MYCBP2: variants seen among roughly 807,000 people sequenced by gnomAD.
The protein encoded by MYCBP2 is E3 ubiquitin-protein ligase MYCBP2.
MYCBP2 carries 120 observed loss-of-function variants against 525.3 expected under a neutral mutation model. That is an observed-to-expected ratio of 0.23 (90% CI 0.20 to 0.27). MYCBP2 has a LOEUF of 0.27. Among genes scored for constraint, MYCBP2 ranks in the 10% least tolerant of loss-of-function variants. MYCBP2 has a pLI of 1.00. For missense variants in MYCBP2, 4,149 were observed against 5,657.1 expected (o/e 0.73, Z 8.55); for synonymous variants, 1,894 against 1,955.8 (o/e 0.97, Z 0.83).
intron 55 of MYCBP2, among the ~76,000 whole-genome samples, chr13:77,119,849 C>T (rs1176205644): frequency 6.6e-6 from 1 of 152,152 alleles, no homozygotes; most frequent in Non-Finnish European, 1.5e-5. Context: ...CTCAGCTTCC[C>T]AGGTAGCTGG....
At position 77,198,457 on chromosome 13, in the gene MYCBP2, G is replaced by C. The variant is rs201990039; in HGVS notation, c.3844-4213C>G. On this transcript the variant is annotated intron_variant, in intron 26 of 82. Transcript: ENST00000544440. ...TGATATCATTTTTAGATATTATTGA[G>C]AGAACTAAGAAAATACCTCCTGAAC... Among the ~76,000 whole-genome samples the C allele has an allele frequency of 2.4e-4, 36 of 152,302 alleles. 1 individual carries two copies. The East Asian group carries it at 6.7e-3, about 29-fold the overall frequency.
At chr13:77,206,063 C>T (rs1205742029) in intron 24 of MYCBP2, among the ~76,000 whole-genome samples, 1 of 152,078 alleles carries the variant, frequency 6.6e-6, no homozygotes, top group Non-Finnish European at 1.5e-5. Flanking sequence ...TATGATTTCA[C>T]ACCTGCAAGT....
rs1161569192 is a variant in MYCBP2 at position 77,096,604 on chromosome 13, T to C, written c.9785-123A>G. ...AGAAAGCAAAATACTGAAGTAGATA[T>C]CTTATTTTTCAGGCTATTAACTATA... On this transcript the variant is annotated intron_variant, in intron 56 of 82. Transcript: ENST00000544440. The C allele has an allele frequency of 3.9e-6, 4 of 1,027,606 alleles. No homozygotes were observed. In the East Asian group the frequency reaches 1.1e-4, roughly 27 times the overall value. 63.7% of individuals were successfully genotyped at this position (1,027,606 alleles called of 1,614,324 possible).
At chr13:77,209,723 G>A (rs2063752351) in intron 23 of MYCBP2, among the ~76,000 whole-genome samples, 1 of 152,118 alleles carries the variant, frequency 6.6e-6, no homozygotes, top group African/African-American at 2.4e-5. Flanking sequence ...GATTTGAGAT[G>A]TACTCAACTC....
chr13:77,053,394 T>C (rs2037235921), intron 80 of MYCBP2, among the ~76,000 whole-genome samples: 1 of 152,204 alleles, frequency 6.6e-6, no homozygotes, highest in Non-Finnish European at 1.5e-5. Flanking sequence ...CAAAAAGCTA[T>C]GTCCGGATTG....
At chr13:77,108,705 A>T (rs969916127) in intron 55 of MYCBP2, among the ~76,000 whole-genome samples, 13 of 142,540 alleles carry the variant, frequency 9.1e-5, no homozygotes, top group Admixed American at 1.4e-4. Flanking sequence ...AAGATACTTT[A>T]TTTTTTTTTT....
Position 77,278,799 on chromosome 13 carries a change from T to G in MYCBP2, c.707A>C (p.Gln236Pro). 1 of 1,586,474 alleles carries G rather than the reference T, an allele frequency of 6.3e-7. No homozygotes were observed. Among genetic ancestry groups the G allele is most frequent in the Non-Finnish European group, 8.6e-7 (1 of 1,167,996 alleles). Residue 236 changes from glutamine (Q) to proline (P), a missense_variant, in exon 4 of 83, where the codon CAG (glutamine) becomes CCG (proline). By Grantham distance (76) the Gln-to-Pro change is moderately conservative. Around this residue, in one of 21 missense-constraint regions of MYCBP2, gnomAD observed 413 missense variants for 451.2 expected, o/e 0.92. Coordinates refer to ENST00000544440, the MANE Select transcript of MYCBP2 (RefSeq NM_015057.5). ...LQALLNVLQG[Q>P]QPEGLQSEPP... is the part of the protein sequence containing the mutation. ...CTCAGACTGGAGGCCTTCTGGCTGCTGGCCCTGCAGCACGTTGAGCAGGGC... is the reference window on the plus strand; with the variant it reads ...CTCAGACTGGAGGCCTTCTGGCTGCGGGCCCTGCAGCACGTTGAGCAGGGC...
At chr13:77,178,172 C>T (rs766864261) in intron 34 of MYCBP2, among the ~76,000 whole-genome samples, 21 of 152,186 alleles carry the variant, frequency 1.4e-4, no homozygotes, top group Admixed American at 7.9e-4. Context: ...CTTCCTTTAG[C>T]CATATGAAAC....
intron 18 of MYCBP2, among the ~76,000 whole-genome samples, chr13:77,228,505 T>TG (rs2066640478): frequency 7.5e-6 from 1 of 134,166 alleles, no homozygotes. Flanking sequence ...AGACCCTGTC[T>TG]CAAAAAAAAA....
At chr13:77,315,894 C>CA (rs34819956) in intron 1 of MYCBP2, among the ~76,000 whole-genome samples, 2,150 of 94,030 alleles carry the variant, frequency 0.023, 33 homozygotes, top group African/African-American at 0.047. Flanking sequence ...GGCTCTGTCT[C>CA]AAAAAAAAAA....
intron 26 of MYCBP2, among the ~76,000 whole-genome samples, chr13:77,201,913 T>C (rs1487905982): frequency 2.0e-5 from 3 of 152,132 alleles, no homozygotes; most frequent in Non-Finnish European, 2.9e-5. Context: ...GGGAAATTTA[T>C]AGCACTAAAT....
Position 77,294,127 on chromosome 13 carries a change from T to TATATATATATAC in MYCBP2, c.378+2471_378+2472insGTATATATATAT, listed in dbSNP as rs1350132831. Among the ~76,000 whole-genome samples the TATATATATATAC allele has an allele frequency of 1.2e-3, 74 of 60,850 alleles. 2 individuals are homozygous for TATATATATATAC. Among genetic ancestry groups the TATATATATATAC allele is most frequent in the Non-Finnish European group, 2.1e-3 (54 of 25,928 alleles). 39.9% of individuals were successfully genotyped at this position (60,850 alleles called of 152,430 possible). A position where few individuals can be genotyped will look rare whatever the true frequency, so the allele number is the denominator to read the frequency against. On this transcript the variant is annotated intron_variant, in intron 2 of 82. Transcript: ENST00000544440. ...GGCTATATATATATATATATATATA[T>TATATATATATAC]ATACATATATATATACATATATATA... is the stretch of plus-strand genomic sequence containing the variant.
chr13:77,305,580 C>A (rs1358030231), intron 1 of MYCBP2, among the ~76,000 whole-genome samples: 1 of 151,854 alleles, frequency 6.6e-6, no homozygotes, highest in Non-Finnish European at 1.5e-5. Context: ...TATGGAGAGA[C>A]AAAAATGTTT....
Position 77,098,406 on chromosome 13 carries a change from A to G in MYCBP2, c.8748T>C (p.Asn2916=), listed in dbSNP as rs1289686882. The change falls in exon 56 of 83, where the codon AAT becomes AAC. Residue 2916 remains asparagine (N), a synonymous_variant. Coordinates refer to ENST00000544440, the MANE Select transcript of MYCBP2 (RefSeq NM_015057.5). ...KDSTDSPGSE[N]RAPSPHVVQE... Reference sequence around the variant, plus strand: ...GTACCACATGGGGAGAGGGAGCTCTATTTTCAGATCCAGGGGAATCTGTAG... The same window carrying G: ...GTACCACATGGGGAGAGGGAGCTCTGTTTTCAGATCCAGGGGAATCTGTAG... 5 of 1,613,460 alleles carry G rather than the reference A, an allele frequency of 3.1e-6. No homozygotes were observed. The South Asian group carries it at 3.3e-5, about 11-fold the overall frequency.
At chr13:77,156,234 C>A in intron 45 of MYCBP2, 32 bp from the exon 46 acceptor site, 3 of 1,583,744 alleles carry the variant, frequency 1.9e-6, no homozygotes, top group South Asian at 1.1e-5. Context: ...TAAACAAAAC[C>A]CCAAACACTG....
At chr13:77,278,940 TTA>T in intron 3 of MYCBP2, 29 bp from the exon 4 acceptor site, 1 of 1,481,636 alleles carries the variant, frequency 6.7e-7, no homozygotes, top group South Asian at 1.4e-5. Flanking sequence ...TATATATACT[TTA>T]TGACATGTAA....
rs112546758 is a variant in MYCBP2 at position 77,092,026 on chromosome 13, T to G, written c.10367+1139A>C. On this transcript the variant is annotated intron_variant, in intron 59 of 82. Transcript: ENST00000544440. ...AATGTCAAGAGCAGCTTCAAAGAAA[T>G]TCTGACGAGTAATCCACACAGTTGG... is the stretch of plus-strand genomic sequence containing the variant. 2.0e-3 allele frequency among the ~76,000 whole-genome samples: 309 copies of G among 151,938 alleles called. 2 individuals carry two copies. Among genetic ancestry groups the G allele is most frequent in the African/African-American group, 5.4e-3 (225 of 41,432 alleles).
At chr13:77,260,676 A>C (rs567938574) in intron 12 of MYCBP2, 84 bp from the exon 13 acceptor site, 61 of 1,199,470 alleles carry the variant, frequency 5.1e-5, no homozygotes, top group Admixed American at 2.1e-4. Context: ...TAAAAAAAAA[A>C]CCCATATTAT....
chr13:77,167,306 G>A (rs2058658702), intron 40 of MYCBP2, among the ~76,000 whole-genome samples: 1 of 152,096 alleles, frequency 6.6e-6, no homozygotes, highest in Non-Finnish European at 1.5e-5. Context: ...TTAGTTCCAA[G>A]TCTGAGGCAT....
Sources: gnomAD v4.1 joint callset for allele counts (sites outside exome capture counted in the v4.1 genomes callset) on GRCh38, gnomAD v4.1.1 for gene constraint, gnomAD v4.1.1 regional missense constraint, MANE v1.5 for transcripts, NCBI Gene and HGNC (gene_info 2026-07-23, HGNC 2026-07-21) for gene names.